Variants in MAPT observed in about 807,000 individuals in gnomAD.
MAPT encodes microtubule-associated protein tau.
In MAPT, 34 loss-of-function variants were observed where a neutral mutation model predicts 67.9. That is an observed-to-expected ratio of 0.50 (90% CI 0.38 to 0.67). The LOEUF is 0.67. Ranked by LOEUF, MAPT falls within the 30% of genes least tolerant of loss-of-function variation. The probability of loss-of-function intolerance (pLI) is 0.00; values close to 1 mark genes in which losing one functional copy is unlikely to be tolerated. For synonymous variants in MAPT, 456 were observed against 464.5 expected, an observed-to-expected ratio of 0.98 and a Z score of 0.23; for missense variants, 881 against 1,115.2, an observed-to-expected ratio of 0.79 and a Z score of 2.99.
chr17:45,988,042 G>A (rs1285794013), intron 6 of MAPT, among the ~76,000 whole-genome samples: 1 of 152,196 alleles, frequency 6.6e-6, no homozygotes, highest in Non-Finnish European at 1.5e-5. Context: ...CTATTACCCT[G>A]GGCCTCGGCC....
chr17:45,937,006 T>A (rs2144808843), intron 1 of MAPT, among the ~76,000 whole-genome samples: 1 of 152,156 alleles, frequency 6.6e-6, no homozygotes, highest in South Asian at 2.1e-4. Flanking sequence ...GTAAAGGAGC[T>A]CCCCACTCCC....
chr17:45,925,413 G>A (rs2066182219), intron 1 of MAPT, among the ~76,000 whole-genome samples: 1 of 152,242 alleles, frequency 6.6e-6, no homozygotes, highest in African/African-American at 2.4e-5. Context: ...GCTAGTCAGA[G>A]TAAAAGTTTG....
intron 2 of MAPT, among the ~76,000 whole-genome samples, chr17:45,966,854 A>T (rs17650973): frequency 0.14 from 21,999 of 152,298 alleles, 2,135 homozygotes; most frequent in Non-Finnish European, 0.22. Context: ...CCAACCTTTT[A>T]GAAATTGCTC....
chr17:45,941,616 C>CT lies in MAPT; in HGVS notation c.-17-20705_-17-20704insT, dbSNP rs1568206813. On this transcript the variant is annotated intron_variant, in intron 1 of 12. Coordinates refer to ENST00000262410, the MANE Select transcript of MAPT (RefSeq NM_001377265.1). ...CTTCCTTCCTTCCTTCCCTCCCTCC[C>CT]CCCTTCCCTCCTTCCCTCTTTCCCT... Among the ~76,000 whole-genome samples the CT allele has an allele frequency of 7.4e-4, 82 of 111,212 alleles. 2 individuals carry two copies. The highest frequency in any genetic ancestry group is 5.8e-3 in the East Asian group (18 of 3,110). 73.0% of individuals were successfully genotyped at this position (111,212 alleles called of 152,430 possible). A position where few individuals can be genotyped will look rare whatever the true frequency, so the allele number is the denominator to read the frequency against.
At chr17:45,959,639 G>A (rs985320927) in intron 1 of MAPT, among the ~76,000 whole-genome samples, 20 of 152,028 alleles carry the variant, frequency 1.3e-4, no homozygotes, top group Non-Finnish European at 2.5e-4. Context: ...AAATTACCCA[G>A]GCATGGTGGC....
At chr17:46,017,439 A>G (rs1404021250) in intron 11 of MAPT, among the ~76,000 whole-genome samples, 1 of 52,428 alleles carries the variant, frequency 1.9e-5, no homozygotes, top group East Asian at 3.3e-4. Context: ...ATGCCTGGCT[A>G]ATTTTTTTTT....
chr17:45,915,573 T>C lies in MAPT; in HGVS notation c.-18+20887T>C, dbSNP rs62056856. Among the ~76,000 whole-genome samples the C allele has an allele frequency of 0.14, 21,676 of 151,562 alleles. 2,084 individuals are homozygous for C. Among genetic ancestry groups the C allele is most frequent in the Non-Finnish European group, 0.22 (14,670 of 67,792 alleles). On this transcript the variant is annotated intron_variant, in intron 1 of 12. Transcript: ENST00000262410. The surrounding 1 kb of genome is among the most constrained non-coding windows in gnomAD (Gnocchi z 4.4). ...GTGTTGTGTGTGTGGTGCATGTGTG[T>C]GGCGTGTGAGCGTGTGTGTGCATTG...
intron 1 of MAPT, among the ~76,000 whole-genome samples, chr17:45,946,954 G>A (rs766636271): frequency 5.3e-5 from 8 of 152,172 alleles, no homozygotes; most frequent in Admixed American, 1.3e-4. Flanking sequence ...TCATACAATC[G>A]TTGATTATTC....
At chr17:45,929,160 A>T (rs1439194461) in intron 1 of MAPT, among the ~76,000 whole-genome samples, 1 of 152,200 alleles carries the variant, frequency 6.6e-6, no homozygotes, top group Non-Finnish European at 1.5e-5. Flanking sequence ...GATGGTAAGG[A>T]TATTTTCCTA....
At chr17:45,902,605 C>T (rs2082068) in intron 1 of MAPT, among the ~76,000 whole-genome samples, 21,780 of 152,102 alleles carry the variant, frequency 0.14, 2,122 homozygotes, top group Middle Eastern at 0.22. Flanking sequence ...AAAAGGTGGG[C>T]ATTCTCCCCG....
rs377105405 is a variant in MAPT, at chr17:45,936,197, T to C, written c.-17-26124T>C. ...GCCAGACCGAATATATCCAAGGGCA[T>C]GGCCCACCTCTGCTCCTGTTTCCAG... is the stretch of plus-strand genomic sequence containing the variant. On this transcript the variant is annotated intron_variant, in intron 1 of 12. Transcript: ENST00000262410. Among the ~76,000 whole-genome samples, 10 of 152,360 alleles carry C rather than the reference T, an allele frequency of 6.6e-5. No homozygotes were observed. The East Asian group carries it at 1.5e-3, about 23-fold the overall frequency.
In MAPT at chr17:45,971,781, C is replaced by T; in HGVS notation, c.134-78C>T. 9.7e-7 allele frequency: 1 copy of T among 1,026,000 alleles called. No homozygotes were observed. Among genetic ancestry groups the T allele is most frequent in the East Asian group, 2.4e-5 (1 of 41,682 alleles). The allele number at this position is 1,026,000 out of a possible 1,614,324, so 63.6% of individuals were successfully genotyped here. A position where few individuals can be genotyped will look rare whatever the true frequency, so the allele number is the denominator to read the frequency against. ...CGATTTTCAGCTCCACAGGACACTG[C>T]TCCCCAGTTCCTCCTGAGAACAAAA... On this transcript the variant is annotated intron_variant, in intron 2 of 12. Coordinates refer to ENST00000262410, the MANE Select transcript of MAPT (RefSeq NM_001377265.1). This position sits in a 1 kb window ranked among gnomAD's most constrained non-coding sequence, Gnocchi z 4.3.
intron 1 of MAPT, among the ~76,000 whole-genome samples, chr17:45,956,612 T>G (rs2069750540): frequency 7.3e-6 from 1 of 136,964 alleles, no homozygotes. Flanking sequence ...TTTTTATTAT[T>G]ATACTTTAAG....
chr17:46,023,477 A>G (rs1354584037), intron 12 of MAPT, among the ~76,000 whole-genome samples: 1 of 152,198 alleles, frequency 6.6e-6, no homozygotes, highest in Non-Finnish European at 1.5e-5. Context: ...TGGGGAGGGT[A>G]CCTGGGTGCC....
At chr17:45,956,124 C>T (rs1420498792) in intron 1 of MAPT, among the ~76,000 whole-genome samples, 2 of 152,232 alleles carry the variant, frequency 1.3e-5, no homozygotes, top group Non-Finnish European at 2.9e-5. Context: ...AGTTAGTGCT[C>T]ATGACCAGGC....
At chr17:46,014,499 C>T (rs1239188780) in intron 11 of MAPT, among the ~76,000 whole-genome samples, 175 bp downstream of exon 11, 1 of 152,100 alleles carries the variant, frequency 6.6e-6, no homozygotes, top group Non-Finnish European at 1.5e-5. Context: ...CGTGGTGGCT[C>T]CAGCTCGCTC....
rs145711385 is a variant in MAPT, at chr17:45,984,848, C to T, written c.1351+918C>T. On this transcript the variant is annotated intron_variant, in intron 5 of 12. Coordinates refer to ENST00000262410, the MANE Select transcript of MAPT (RefSeq NM_001377265.1). ...CACAGGAGACCTCAGAGCCACAAGG[C>T]GAGCTTGTTCATAAATTTGGGACCC... is the stretch of plus-strand genomic sequence containing the variant. Among the ~76,000 whole-genome samples, 368 of 152,294 alleles carry T rather than the reference C, an allele frequency of 2.4e-3. 2 individuals are homozygous for T. Among genetic ancestry groups the T allele is most frequent in the African/African-American group, 8.5e-3 (355 of 41,548 alleles).
intron 1 of MAPT, among the ~76,000 whole-genome samples, chr17:45,907,033 C>T (rs1467966): frequency 0.14 from 21,829 of 152,220 alleles, 2,141 homozygotes; most frequent in Middle Eastern, 0.22. Context: ...TGCCAAATTC[C>T]TCCCAGAGCA....
intron 11 of MAPT, among the ~76,000 whole-genome samples, chr17:46,017,440 A>ATTTTTTTTTTTTTTTTTTTTT (rs76980614): frequency 2.2e-4 from 14 of 63,002 alleles, no homozygotes; most frequent in Admixed American, 5.5e-4. Context: ...TGCCTGGCTA[A>ATTTTTTTTTTTTTTTTTTTTT]TTTTTTTTTT....
Sources: gnomAD v4.1 joint callset for allele counts (sites outside exome capture counted in the v4.1 genomes callset) on GRCh38, gnomAD v4.1.1 for gene constraint, Gnocchi (gnomAD v3.1) non-coding constraint, MANE v1.5 for transcripts, NCBI Gene and HGNC (gene_info 2026-07-23, HGNC 2026-07-21) for gene names.